The following CELSR1 variants were observed in gnomAD, a reference collection of about 807,000 sequenced individuals.
CELSR1 encodes cadherin EGF LAG seven-pass G-type receptor 1.
In CELSR1, 110 loss-of-function variants were observed where a neutral mutation model predicts 249.1. The ratio of observed to expected loss-of-function variants is 0.44; its 90% CI spans 0.38 to 0.52. The LOEUF (loss-of-function observed/expected upper bound fraction) is 0.52, where lower values mean the gene tolerates loss of function less well. Ranked by LOEUF, CELSR1 falls within the 20% of genes least tolerant of loss-of-function variation. The pLI, the probability that CELSR1 is intolerant of heterozygous loss-of-function variation, is 0.00. For synonymous variants in CELSR1, 2,113 were observed against 1,900.0 expected (o/e 1.11, Z -2.92); for missense variants, 4,109 against 4,296.4 (o/e 0.96, Z 1.22).
rs750445322 is a variant in CELSR1, at chr22:46,364,504, C to G, written c.8779+8G>C. ...GCCTTTCACTGCAGCCCCGGCCTCC[C>G]CAGGCACCTTTCCTCTGCTCTGGGG... On this transcript the variant is annotated splice_region_variant and intron_variant, in intron 33 of 34. Transcript: ENST00000674500. The G allele has an allele frequency of 2.5e-6, 4 of 1,605,914 alleles. No homozygotes were observed. Among genetic ancestry groups the G allele is most frequent in the Non-Finnish European group, 3.4e-6 (4 of 1,176,400 alleles).
chr22:46,431,132 G>A (rs540510498), intron 5 of CELSR1, among the ~76,000 whole-genome samples: 16 of 152,282 alleles, frequency 1.1e-4, no homozygotes, highest in African/African-American at 3.1e-4. Context: ...GTAATCCACC[G>A]TCCTCTGTGT....
chr22:46,367,986 A>G, intron 27 of CELSR1, 131 bp from the exon 28 acceptor site: 2 of 1,286,986 alleles, frequency 1.6e-6, no homozygotes, highest in Non-Finnish European at 2.1e-6. Flanking sequence ...CTGTCCACCC[A>G]GCCATCATCC....
rs1319902125 is a variant in CELSR1 at position 46,380,557 on chromosome 22, G to C, written c.7256+231C>G. 6.6e-6 allele frequency among the ~76,000 whole-genome samples: 1 copy of C among 152,240 alleles called. No homozygotes were observed. The highest frequency in any genetic ancestry group is 1.5e-5 in the Non-Finnish European group (1 of 68,032). The stretch of plus-strand genomic sequence containing the variant: ...GATCTCTCTGTGCGCCTGCACATCT[G>C]TATCTCCACGTGCAGGTCTGTGTGC... On this transcript the variant is annotated intron_variant, in intron 22 of 34. Transcript: ENST00000674500. This position sits in a 1 kb window ranked among gnomAD's most constrained non-coding sequence, Gnocchi z 5.1.
chr22:46,397,311 G>A (rs1318870442), intron 12 of CELSR1, among the ~76,000 whole-genome samples: 2 of 135,928 alleles, frequency 1.5e-5, no homozygotes, highest in African/African-American at 2.7e-5. Context: ...TCGTAGAGAT[G>A]GGGTTTCACC....
rs187990457 is a variant in CELSR1 at position 46,435,657 on chromosome 22, G to A, written c.4522+517C>T. ...GGTTTCTGAAAACATGAACCAGATC[G>A]TCCACATTTCCAGCACTATAAATAA... is the stretch of plus-strand genomic sequence containing the variant. On this transcript the variant is annotated intron_variant, in intron 4 of 34. Transcript: ENST00000674500. Among the ~76,000 whole-genome samples, 46 of 152,144 alleles carry A rather than the reference G, an allele frequency of 3.0e-4. No individual in the cohort carries two copies. The East Asian group carries it at 3.9e-3, about 13-fold the overall frequency.
intron 32 of CELSR1, 90 bp downstream of exon 32, chr22:46,365,141 C>T (rs2078753305): frequency 6.7e-7 from 1 of 1,489,364 alleles, no homozygotes; most frequent in African/African-American, 1.4e-5. Flanking sequence ...CTGGGCATAT[C>T]CTGGGAGGAA....
intron 1 of CELSR1, among the ~76,000 whole-genome samples, chr22:46,507,265 A>T (rs534479650): frequency 1.3e-5 from 2 of 152,308 alleles, no homozygotes; most frequent in South Asian, 4.1e-4. Flanking sequence ...CAGAGAGAGC[A>T]CAGAGGCCAC....
chr22:46,419,250 G>C (rs143937471), intron 5 of CELSR1, among the ~76,000 whole-genome samples: 19 of 152,108 alleles, frequency 1.2e-4, no homozygotes, highest in Non-Finnish European at 8.8e-5. Flanking sequence ...GGGTCTTCTT[G>C]CCAATGACAA....
At chr22:46,522,448 G>C (rs1252265228) in intron 1 of CELSR1, among the ~76,000 whole-genome samples, 5 of 152,118 alleles carry the variant, frequency 3.3e-5, no homozygotes. Flanking sequence ...ATGACTCTGA[G>C]CATCTTTTTT....
At position 46,393,318 on chromosome 22, in the gene CELSR1, C is replaced by T. The variant is rs1036769904; in HGVS notation, c.5964+824G>A. Among the ~76,000 whole-genome samples the T allele has an allele frequency of 6.6e-6, 1 of 152,224 alleles. No individual in the cohort carries two copies. The highest frequency in any genetic ancestry group is 1.5e-5 in the Non-Finnish European group (1 of 68,048). On this transcript the variant is annotated intron_variant, in intron 14 of 34. Coordinates refer to ENST00000674500, the MANE Select transcript of CELSR1 (RefSeq NM_001378328.1). The surrounding 1 kb of genome is among the most constrained non-coding windows in gnomAD (Gnocchi z 4.1). ...GAACGCGTGTGCATTTCTGGAGACA[C>T]GAGATGTGAGCTCCGTGCTGCATGC...
Position 46,427,095 on chromosome 22 carries a change from G to A in CELSR1, c.4611+6298C>T, listed in dbSNP as rs1217920019. ...AAAAAGATCAATATGAAGTGTGTGT[G>A]CATGTATATATGTACACACACACAC... On this transcript the variant is annotated intron_variant, in intron 5 of 34. Transcript: ENST00000674500. The surrounding 1 kb of genome is among the most constrained non-coding windows in gnomAD (Gnocchi z 4.2). 1.3e-5 allele frequency among the ~76,000 whole-genome samples: 2 copies of A among 152,118 alleles called. No individual in the cohort carries two copies. Among genetic ancestry groups the A allele is most frequent in the East Asian group, 3.9e-4 (2 of 5,194 alleles).
chr22:46,372,967 T>C lies in CELSR1; in HGVS notation c.7675A>G (p.Met2559Val). 3 of 1,613,398 alleles carry C rather than the reference T, an allele frequency of 1.9e-6. No individual in the cohort carries two copies. Among genetic ancestry groups the C allele is most frequent in the Non-Finnish European group, 2.5e-6 (3 of 1,179,900 alleles). Residue 2559 changes from methionine to valine, a missense_variant, in exon 25 of 35, where the codon ATG (methionine) becomes GTG (valine). Met to Val is a conservative substitution (Grantham distance 21, BLOSUM62 1). Coordinates refer to ENST00000674500, the MANE Select transcript of CELSR1 (RefSeq NM_001378328.1). The part of the protein sequence containing the change: ...TLVESLHVYR[M>V]LTEVRNIDTG... ...TCGATGTTGCGCACCTCGGTCAGCATGCGGTAGACATGCAGGCTCTCCACG... is the reference window on the plus strand; with the variant it reads ...TCGATGTTGCGCACCTCGGTCAGCACGCGGTAGACATGCAGGCTCTCCACG...
chr22:46,445,281 G>A lies in CELSR1; in HGVS notation c.4184-5870C>T, dbSNP rs1345577721. Among the ~76,000 whole-genome samples the A allele has an allele frequency of 1.3e-5, 2 of 152,146 alleles. No individual in the cohort carries two copies. Among genetic ancestry groups the A allele is most frequent in the African/African-American group, 4.8e-5 (2 of 41,438 alleles). On this transcript the variant is annotated intron_variant, in intron 2 of 34. Transcript: ENST00000674500. The surrounding 1 kb of genome is among the most constrained non-coding windows in gnomAD (Gnocchi z 4.4). ...GGCCGAGGCAGGTGGATCACCTGAG[G>A]TCAGGAGTTCGAGACCAGCCTGGCC...
chr22:46,447,848 G>A lies in CELSR1; in HGVS notation c.4184-8437C>T, dbSNP rs111712853. The stretch of plus-strand genomic sequence containing the variant: ...TTGGCCAGGCTGGTCTCGAACTCCT[G>A]ACCTCAGGTGATCTGCTCGCCTTAG... On this transcript the variant is annotated intron_variant, in intron 2 of 34. Transcript: ENST00000674500. This position sits in a 1 kb window ranked among gnomAD's most constrained non-coding sequence, Gnocchi z 4.7. Among the ~76,000 whole-genome samples the A allele has an allele frequency of 9.9e-3, 1,502 of 152,280 alleles. 23 individuals are homozygous for A. Among genetic ancestry groups the A allele is most frequent in the African/African-American group, 0.034 (1,432 of 41,552 alleles).
rs2080169396 is a variant in CELSR1 at position 46,472,820 on chromosome 22, G to C, written c.3545-8475C>G. On this transcript the variant is annotated intron_variant, in intron 1 of 34. Transcript: ENST00000674500. The surrounding 1 kb of genome is among the most constrained non-coding windows in gnomAD (Gnocchi z 7.0). ...GTCCAGCAGTCCTTGGCGTTGCTTG[G>C]CTCCTAGGTGCACCCCTCTGGCCTC... 6.6e-6 allele frequency among the ~76,000 whole-genome samples: 1 copy of C among 152,150 alleles called. No individual in the cohort carries two copies. Among genetic ancestry groups the C allele is most frequent in the Non-Finnish European group, 1.5e-5 (1 of 68,020 alleles).
At position 46,377,160 on chromosome 22, in the gene CELSR1, C is replaced by A. The variant is rs754364295; in HGVS notation, c.7485G>T (p.Met2495Ile). The A allele has an allele frequency of 6.2e-7, 1 of 1,613,828 alleles. No individual in the cohort carries two copies. The highest frequency in any genetic ancestry group is 1.1e-5 in the South Asian group (1 of 91,082). The change falls in exon 24 of 35, where the codon ATG becomes ATT. Residue 2495 changes from methionine to isoleucine, a missense_variant. Transcript: ENST00000674500. Reference sequence around the variant, plus strand: ...GAATGCTGTGCAGGTTGGAGCGCAGCATGCGGACCAGGCTCAGGAGGACGA... The same window carrying A: ...GAATGCTGTGCAGGTTGGAGCGCAGAATGCGGACCAGGCTCAGGAGGACGA... ...VAFVLLSLVRMLRSNLHSIHK... is the reference protein window; with the variant it reads ...VAFVLLSLVRILRSNLHSIHK...
At chr22:46,477,408 A>G (rs758547695) in intron 1 of CELSR1, among the ~76,000 whole-genome samples, 2 of 152,196 alleles carry the variant, frequency 1.3e-5, no homozygotes, top group Admixed American at 6.5e-5. Flanking sequence ...CAGGAATCCA[A>G]ACGTCTGACC....
rs2079139019 is a variant in CELSR1 at position 46,395,558 on chromosome 22, G to C, written c.5843+1047C>G. Among the ~76,000 whole-genome samples the C allele has an allele frequency of 6.6e-6, 1 of 152,142 alleles. No homozygotes were observed. The highest frequency in any genetic ancestry group is 2.1e-4 in the South Asian group (1 of 4,832). On this transcript the variant is annotated intron_variant, in intron 13 of 34. Coordinates refer to ENST00000674500, the MANE Select transcript of CELSR1 (RefSeq NM_001378328.1). This position sits in a 1 kb window ranked among gnomAD's most constrained non-coding sequence, Gnocchi z 5.5. ...GGCGCTCTCCCTGGCATCACATCTT[G>C]CTGATATCCAAGAATGATGTGGTGC...
intron 1 of CELSR1, among the ~76,000 whole-genome samples, chr22:46,508,249 C>A (rs916274669): frequency 6.6e-6 from 1 of 151,884 alleles, no homozygotes; most frequent in Non-Finnish European, 1.5e-5. Flanking sequence ...CGCCAACTGG[C>A]CCCCGCGGGA....
Sources: allele counts gnomAD v4.1 joint callset (sites outside exome capture counted in the v4.1 genomes callset), GRCh38; gene constraint gnomAD v4.1.1; non-coding constraint Gnocchi (gnomAD v3.1); transcripts MANE v1.5; gene names NCBI Gene and HGNC (gene_info 2026-07-23, HGNC 2026-07-21).